VPS13B: variants seen among roughly 807,000 people sequenced by gnomAD.
VPS13B encodes the protein vacuolar protein sorting 13 homolog B.
In VPS13B, 285 loss-of-function variants were observed where a neutral mutation model predicts 426.4. The observed-to-expected ratio is 0.67, with a 90% CI of 0.61 to 0.74. VPS13B has a LOEUF of 0.74. Among genes scored for constraint, VPS13B ranks in the 30% least tolerant of loss-of-function variants. The pLI, the probability that VPS13B is intolerant of heterozygous loss-of-function variation, is 0.00. For synonymous variants in VPS13B, 1,676 were observed against 1,676.4 expected, an observed-to-expected ratio of 1.00 and a Z score of 0.01; for missense variants, 4,537 against 4,782.6, an observed-to-expected ratio of 0.95 and a Z score of 1.51.
At chr8:99,025,818 C>T (rs1404642701) in intron 2 of VPS13B, among the ~76,000 whole-genome samples, 1 of 152,054 alleles carries the variant, frequency 6.6e-6, no homozygotes, top group Non-Finnish European at 1.5e-5. Flanking sequence ...TATTTGTGTT[C>T]TCTAGGTATA....
chr8:99,013,338 A>G lies in VPS13B; in HGVS notation c.-39A>G. 3.7e-6 allele frequency: 1 copy of G among 271,208 alleles called. No individual in the cohort carries two copies. The highest frequency in any genetic ancestry group is 7.2e-6 in the Non-Finnish European group (1 of 138,112). The allele number at this position is 271,208 out of a possible 1,614,324, so 16.8% of individuals were successfully genotyped here. A position where few individuals can be genotyped will look rare whatever the true frequency, so the allele number is the denominator to read the frequency against. ...TTGGAGGTGGAGGGGACGCGGCGGT[A>G]CTCTGGCGTGTGAGCCGAGGGTGGA... On this transcript the variant is annotated 5_prime_UTR_variant, in exon 1 of 62. Coordinates refer to ENST00000357162, the MANE Select transcript of VPS13B (RefSeq NM_152564.5).
At chr8:99,640,001 T>TAAGAAGAAG (rs1411599948) in intron 33 of VPS13B, among the ~76,000 whole-genome samples, 2 of 59,738 alleles carry the variant, frequency 3.3e-5, no homozygotes, top group African/African-American at 1.5e-4. Context: ...ATAATAATAA[T>TAAGAAGAAG]AATAATAATA....
chr8:99,087,699 C>T (rs1368293334), intron 3 of VPS13B, among the ~76,000 whole-genome samples: 1 of 151,622 alleles, frequency 6.6e-6, no homozygotes, highest in African/African-American at 2.4e-5. Flanking sequence ...TCTCCACCCT[C>T]AGCCTCCTGA....
At chr8:99,079,588 G>A (rs1845336055) in intron 3 of VPS13B, among the ~76,000 whole-genome samples, 1 of 152,058 alleles carries the variant, frequency 6.6e-6, no homozygotes, top group South Asian at 2.1e-4. Context: ...TTCTCCTTGT[G>A]TATAGATTTT....
At position 99,085,937 on chromosome 8, in the gene VPS13B, A is replaced by G. The variant is rs957659388; in HGVS notation, c.292-10375A>G. ...GACAATTATGTGTCTTGGAGCAACA[A>G]TTATGTTGCTCTTCTCGAGGAGTAT... On this transcript the variant is annotated intron_variant, in intron 3 of 61. Coordinates refer to ENST00000357162, the MANE Select transcript of VPS13B (RefSeq NM_152564.5). Among the ~76,000 whole-genome samples the G allele has an allele frequency of 3.3e-5, 5 of 151,934 alleles. No individual in the cohort carries two copies. In the East Asian group the frequency reaches 5.8e-4, roughly 18 times the overall value.
intron 2 of VPS13B, among the ~76,000 whole-genome samples, chr8:99,028,909 C>T (rs1325564470): frequency 1.0e-5 from 1 of 97,916 alleles, no homozygotes; most frequent in African/African-American, 4.2e-5. Context: ...GACGGGGTGG[C>T]TGCCGGGCGG....
chr8:99,287,215 T>G, intron 19 of VPS13B, among the ~76,000 whole-genome samples: 1 of 90,130 alleles, frequency 1.1e-5, no homozygotes, highest in East Asian at 2.9e-4. Context: ...TATATGTGTG[T>G]GTGTATCTAT....
intron 19 of VPS13B, among the ~76,000 whole-genome samples, chr8:99,316,560 T>A (rs1809670408): frequency 6.6e-6 from 1 of 152,098 alleles, no homozygotes. Flanking sequence ...ATTACAGGGA[T>A]CTGTGGGGGA....
At chr8:99,144,257 C>T (rs1810580090) in intron 13 of VPS13B, among the ~76,000 whole-genome samples, 1 of 151,636 alleles carries the variant, frequency 6.6e-6, no homozygotes. Context: ...TTAGGGAGGC[C>T]AAGGCAGGAG....
chr8:99,430,605 T>C (rs1182447466), intron 21 of VPS13B, among the ~76,000 whole-genome samples: 2 of 152,146 alleles, frequency 1.3e-5, no homozygotes, highest in South Asian at 2.1e-4. Context: ...AAGAACAAAA[T>C]TTTAAATAAT....
chr8:99,070,770 A>T (rs1844816424), intron 3 of VPS13B, among the ~76,000 whole-genome samples: 1 of 151,800 alleles, frequency 6.6e-6, no homozygotes, highest in African/African-American at 2.4e-5. Flanking sequence ...GCTGTGCTTC[A>T]GTCTTCCATT....
At chr8:99,291,132 AGATTTGTG>A (rs1819712953) in intron 19 of VPS13B, among the ~76,000 whole-genome samples, 1 of 152,132 alleles carries the variant, frequency 6.6e-6, no homozygotes, top group Non-Finnish European at 1.5e-5. Flanking sequence ...AGAATTACAC[AGATTTGTG>A]GAATATTAAT....
chr8:99,407,076 A>G (rs961441541), intron 21 of VPS13B, among the ~76,000 whole-genome samples: 6 of 152,134 alleles, frequency 3.9e-5, no homozygotes, highest in African/African-American at 1.4e-4. Flanking sequence ...TTTCTACCAG[A>G]GATTCATTCT....
chr8:99,484,849 CA>C (rs34547055), intron 25 of VPS13B, among the ~76,000 whole-genome samples: 1,581 of 113,666 alleles, frequency 0.014, 13 homozygotes, highest in African/African-American at 0.038. Flanking sequence ...TGTCCTGTCT[CA>C]AAAAAAAAAA....
At chr8:99,839,149 C>T (rs775173010) in intron 54 of VPS13B, among the ~76,000 whole-genome samples, 6 of 152,124 alleles carry the variant, frequency 3.9e-5, no homozygotes, top group Non-Finnish European at 5.9e-5. Flanking sequence ...TTAAAATGAC[C>T]CCTTTGCAGG....
Position 99,462,921 on chromosome 8 carries a change from A to G in VPS13B, c.3446-4493A>G, listed in dbSNP as rs530533404. 2.6e-5 allele frequency among the ~76,000 whole-genome samples: 4 copies of G among 152,294 alleles called. No homozygotes were observed. In the East Asian group the frequency reaches 5.8e-4, roughly 22 times the overall value. On this transcript the variant is annotated intron_variant, in intron 23 of 61. Transcript: ENST00000357162. ...AGGAACCAGATCTGCCAGCACCTTG[A>G]TACTAGAACTCCCAGAGCTCTTAGA... is the stretch of plus-strand genomic sequence containing the variant.
intron 17 of VPS13B, among the ~76,000 whole-genome samples, chr8:99,206,833 A>G (rs1241445027): frequency 2.6e-5 from 4 of 152,172 alleles, no homozygotes; most frequent in African/African-American, 7.2e-5. Context: ...TCTGTTTTCA[A>G]ACTACTTCCC....
chr8:99,581,612 C>G (rs1826062562), intron 33 of VPS13B, among the ~76,000 whole-genome samples: 1 of 152,100 alleles, frequency 6.6e-6, no homozygotes. Flanking sequence ...CCTTATTTCT[C>G]TATACATACA....
chr8:99,423,098 T>C (rs569734784), intron 21 of VPS13B, among the ~76,000 whole-genome samples: 3 of 152,286 alleles, frequency 2.0e-5, no homozygotes. Context: ...GCATTTTCTT[T>C]CCTCTCGTCT....
Sources: allele counts gnomAD v4.1 joint callset (sites outside exome capture counted in the v4.1 genomes callset), GRCh38; gene constraint gnomAD v4.1.1; transcripts MANE v1.5; gene names NCBI Gene and HGNC (gene_info 2026-07-23, HGNC 2026-07-21).